The following NELL2 variants were observed in gnomAD, a reference collection of about 807,000 sequenced individuals.
NELL2 encodes the protein protein kinase C-binding protein NELL2.
A neutral mutation model predicts 109.6 loss-of-function variants in NELL2; 41 were observed. That is an observed-to-expected ratio of 0.37 (90% CI 0.29 to 0.49). The LOEUF is 0.49. Ranked by LOEUF, NELL2 falls within the 20% of genes least tolerant of loss-of-function variation. NELL2 has a pLI of 0.98. For synonymous variants in NELL2, 355 were observed against 344.7 expected (o/e 1.03, Z -0.33); for missense variants, 900 against 1,008.3 (o/e 0.89, Z 1.45).
chr12:44,543,539 G>A (rs1381068264), intron 15 of NELL2, among the ~76,000 whole-genome samples: 1 of 152,112 alleles, frequency 6.6e-6, no homozygotes, highest in East Asian at 1.9e-4. Context: ...AAGTGTCTTG[G>A]GATAAAGCTG....
intron 2 of NELL2, among the ~76,000 whole-genome samples, chr12:44,874,764 A>G (rs932475687): frequency 1.3e-5 from 2 of 152,360 alleles, no homozygotes. Flanking sequence ...AAGTAAAAAT[A>G]TTCAGAGGCA....
chr12:44,892,355 T>A (rs1313720596), intron 1 of NELL2, among the ~76,000 whole-genome samples: 1 of 152,174 alleles, frequency 6.6e-6, no homozygotes, highest in Non-Finnish European at 1.5e-5. Context: ...GCTACTAGCA[T>A]CATGATTATC....
chr12:44,753,824 T>C (rs1019570959), intron 9 of NELL2, among the ~76,000 whole-genome samples: 15 of 151,578 alleles, frequency 9.9e-5, no homozygotes, highest in Non-Finnish European at 2.9e-5. Context: ...AATATCATGG[T>C]GAGGAATTTT....
chr12:44,548,003 C>T (rs1210581616), intron 15 of NELL2, among the ~76,000 whole-genome samples: 1 of 152,112 alleles, frequency 6.6e-6, no homozygotes, highest in Non-Finnish European at 1.5e-5. Flanking sequence ...CTAGTCTTAC[C>T]AAAACAAAAT....
intron 15 of NELL2, among the ~76,000 whole-genome samples, chr12:44,587,284 A>AAAAAAAAAAAAAAAAAAAATATAT: frequency 9.7e-5 from 7 of 72,214 alleles, no homozygotes; most frequent in African/African-American, 3.5e-4. Flanking sequence ...AAAAAAAAAA[A>AAAAAAAAAAAAAAAAAAAATATAT]ATATATATAT....
chr12:44,837,941 TAGA>T (rs2136742498), intron 2 of NELL2, among the ~76,000 whole-genome samples: 2 of 152,314 alleles, frequency 1.3e-5, no homozygotes, highest in East Asian at 3.9e-4. Context: ...CATCTTAAAG[TAGA>T]AGTACAAATC....
intron 16 of NELL2, among the ~76,000 whole-genome samples, chr12:44,527,485 T>C (rs1193169879): frequency 6.6e-6 from 1 of 152,226 alleles, no homozygotes; most frequent in Non-Finnish European, 1.5e-5. Flanking sequence ...ATGCAGCTTA[T>C]AAACATGTAT....
intron 1 of NELL2, among the ~76,000 whole-genome samples, chr12:44,904,735 C>T (rs1335395493): frequency 6.6e-6 from 1 of 152,110 alleles, no homozygotes; most frequent in East Asian, 1.9e-4. Flanking sequence ...TCAAATGTTA[C>T]ACAATTTATT....
chr12:44,826,641 G>A (rs1943719324), intron 2 of NELL2, among the ~76,000 whole-genome samples: 1 of 152,180 alleles, frequency 6.6e-6, no homozygotes, highest in South Asian at 2.1e-4. Context: ...AGAAATTGCT[G>A]ATGAGAAAAA....
At chr12:44,611,733 CAG>C (rs745406165) in intron 13 of NELL2, among the ~76,000 whole-genome samples, 6 of 151,996 alleles carry the variant, frequency 3.9e-5, no homozygotes, top group Non-Finnish European at 5.9e-5. Flanking sequence ...AACGGTGGCT[CAG>C]AGTGTTTAAG....
intron 9 of NELL2, among the ~76,000 whole-genome samples, chr12:44,738,876 A>G (rs1049764975): frequency 1.3e-5 from 2 of 152,180 alleles, no homozygotes; most frequent in African/African-American, 4.8e-5. Context: ...TTAGTGAATC[A>G]TTTTGCAATG....
chr12:44,745,354 G>A (rs1940276035), intron 9 of NELL2, among the ~76,000 whole-genome samples: 1 of 152,052 alleles, frequency 6.6e-6, no homozygotes, highest in African/African-American at 2.4e-5. Flanking sequence ...ATACTGAATG[G>A]GCAAAAACTG....
At chr12:44,729,574 A>AAACAAAAC (rs1555206439) in intron 9 of NELL2, among the ~76,000 whole-genome samples, 3 of 148,646 alleles carry the variant, frequency 2.0e-5, no homozygotes, top group African/African-American at 7.3e-5. Context: ...TAAAAAAAAA[A>AAACAAAAC]AAAACCAAGA....
At chr12:44,547,231 G>A (rs911284919) in intron 15 of NELL2, among the ~76,000 whole-genome samples, 1 of 152,182 alleles carries the variant, frequency 6.6e-6, no homozygotes, top group African/African-American at 2.4e-5. Flanking sequence ...ACAACATGAA[G>A]TATTTTAAAG....
At chr12:44,895,103 G>A (rs1945578105) in intron 1 of NELL2, among the ~76,000 whole-genome samples, 1 of 152,178 alleles carries the variant, frequency 6.6e-6, no homozygotes, top group Non-Finnish European at 1.5e-5. Flanking sequence ...GACAAAAAGA[G>A]AGGAAGTAGA....
chr12:44,859,275 C>T (rs1196029553), intron 2 of NELL2, among the ~76,000 whole-genome samples: 1 of 152,216 alleles, frequency 6.6e-6, no homozygotes, highest in East Asian at 1.9e-4. Flanking sequence ...GGTGCAGTGG[C>T]TCACGCCTGT....
chr12:44,905,301 C>T (rs1448306250), intron 1 of NELL2, among the ~76,000 whole-genome samples: 1 of 151,678 alleles, frequency 6.6e-6, no homozygotes, highest in African/African-American at 2.4e-5. Flanking sequence ...CTGGCATTTT[C>T]TCATTATCTA....
chr12:44,544,377 G>C (rs1942705965), intron 15 of NELL2, among the ~76,000 whole-genome samples: 1 of 152,020 alleles, frequency 6.6e-6, no homozygotes, highest in South Asian at 2.1e-4. Flanking sequence ...CTCAACTAAG[G>C]TTTCAGAAGA....
chr12:44,633,001 T>C (rs886557937), intron 13 of NELL2, among the ~76,000 whole-genome samples: 3 of 151,142 alleles, frequency 2.0e-5, no homozygotes, highest in Non-Finnish European at 4.4e-5. Flanking sequence ...ATAGGGAGAA[T>C]AGAAAATAGG....
Sources: allele counts gnomAD v4.1 joint callset (sites outside exome capture counted in the v4.1 genomes callset), GRCh38; gene constraint gnomAD v4.1.1; transcripts MANE v1.5; gene names NCBI Gene and HGNC (gene_info 2026-07-23, HGNC 2026-07-21).